Variants in COL17A1 observed in about 807,000 individuals in gnomAD.
COL17A1 encodes the protein collagen alpha-1(XVII) chain.
COL17A1 carries 181 observed loss-of-function variants against 218.4 expected under a neutral mutation model. That is an observed-to-expected ratio of 0.83 (90% CI 0.73 to 0.94). The LOEUF (loss-of-function observed/expected upper bound fraction) is 0.94. Ranked by LOEUF, COL17A1 falls within the 40% of genes least tolerant of loss-of-function variation. The pLI is 0.00. For missense variants in COL17A1, 1,924 were observed against 1,945.9 expected (o/e 0.99, Z 0.21); for synonymous variants, 721 against 731.0 (o/e 0.99, Z 0.22).
At chr10:104,079,517 A>G (rs1271324383) in intron 2 of COL17A1, among the ~76,000 whole-genome samples, 2 of 152,196 alleles carry the variant, frequency 1.3e-5, no homozygotes, top group Non-Finnish European at 2.9e-5. Context: ...CACCTGCTCC[A>G]TCCCACATGA....
chr10:104,054,973 A>G lies in COL17A1; in HGVS notation c.1744+8T>C. 1.9e-6 allele frequency: 3 copies of G among 1,614,204 alleles called. No homozygotes were observed. Among genetic ancestry groups the G allele is most frequent in the East Asian group, 2.2e-5 (1 of 44,890 alleles). On this transcript the variant is annotated splice_region_variant and intron_variant, in intron 20 of 55. Transcript: ENST00000648076. The stretch of plus-strand genomic sequence containing the variant: ...TATTTAAGGTAAAAATGCCCATGTT[A>G]TAATTACCTTTAGGGCCTGGACTTC...
At position 104,055,877 on chromosome 10, in the gene COL17A1, G is replaced by A. The variant is rs113615524; in HGVS notation, c.1592C>T (p.Ala531Val). ...KDRLQGMAPA[A>V]GADLDKIGLH... is the part of the protein sequence containing the mutation. ...CCCAATTTTGTCCAGGTCTGCTCCC[G>A]CCGCGGGTGCCATGCCCTGGAGGCG... The change falls in exon 18 of 56, where the codon GCG becomes GTG. Residue 531 changes from alanine (A) to valine (V), a missense_variant. By Grantham distance (64) the Ala-to-Val change is moderately conservative. Coordinates refer to ENST00000648076, the MANE Select transcript of COL17A1 (RefSeq NM_000494.4). The A allele has an allele frequency of 3.6e-4, 585 of 1,614,122 alleles. 6 individuals are homozygous for A. In the South Asian group the frequency reaches 5.8e-3, roughly 16 times the overall value.
intron 29 of COL17A1, 109 bp downstream of exon 29, chr10:104,049,300 T>TGGGCAGATTAGAGAGTAGGAG (rs2086444065): frequency 4.1e-6 from 4 of 967,242 alleles, no homozygotes; most frequent in Non-Finnish European, 6.7e-6. Context: ...CTACCAGGAG[T>TGGGCAGATTAGAGAGTAGGAG]GGGCAGATTA....
chr10:104,048,169 C>T (rs761029315), intron 29 of COL17A1, 65 bp from the exon 30 acceptor site: 2 of 1,569,176 alleles, frequency 1.3e-6, no homozygotes, highest in Non-Finnish European at 1.8e-6. Flanking sequence ...CCTCCCTCTA[C>T]TGTCCCAGTG....
chr10:104,077,399 C>G (rs2086719840), intron 4 of COL17A1, 23 bp downstream of exon 4: 2 of 1,586,718 alleles, frequency 1.3e-6, no homozygotes, highest in Admixed American at 1.7e-5. Context: ...CTTCCCTGAC[C>G]TCTTGCACTA....
rs2086612274 is a variant in COL17A1, at chr10:104,064,666, C to A, written c.608-70G>T. The A allele has an allele frequency of 6.3e-6, 9 of 1,426,536 alleles. No individual in the cohort carries two copies. The South Asian group carries it at 1.1e-4, about 17-fold the overall frequency. The allele number at this position is 1,426,536 out of a possible 1,614,324, so 88.4% of individuals were successfully genotyped here. ...CACTCCCTGCTGGGGAATCTAGTCA[C>A]CTCATTTTGCTGGGATTTCCTGGTT... On this transcript the variant is annotated intron_variant, in intron 9 of 55. Coordinates refer to ENST00000648076, the MANE Select transcript of COL17A1 (RefSeq NM_000494.4).
At chr10:104,075,141 T>A (rs1002564153) in intron 5 of COL17A1, among the ~76,000 whole-genome samples, 2 of 152,134 alleles carry the variant, frequency 1.3e-5, no homozygotes, top group South Asian at 4.2e-4. Context: ...TCCTTCAACT[T>A]TTATACTCTC....
intron 29 of COL17A1, 42 bp from the exon 30 acceptor site, chr10:104,048,146 G>T: frequency 6.2e-7 from 1 of 1,605,698 alleles, no homozygotes; most frequent in East Asian, 2.2e-5. Flanking sequence ...CTCCTGGAGT[G>T]ATTTCTGCGA....
In COL17A1 at chr10:104,060,042, C is replaced by A. The variant is rs1325521408; in HGVS notation, c.1141+77G>T. The stretch of plus-strand genomic sequence containing the variant: ...GTTTCATGACTCATAGGGTCCCAAA[C>A]CACCTTGCTAGGACATTTGGTCTCC... On this transcript the variant is annotated intron_variant, in intron 14 of 55. Transcript: ENST00000648076. 4 of 1,605,062 alleles carry A rather than the reference C, an allele frequency of 2.5e-6. No homozygotes were observed. The Admixed American group carries it at 6.7e-5, about 27-fold the overall frequency.
rs775946356 is a variant in COL17A1, at chr10:104,076,422, G to C, written c.210C>G (p.Ser70Arg). 1.9e-6 allele frequency: 3 copies of C among 1,614,086 alleles called. No homozygotes were observed. Among genetic ancestry groups the C allele is most frequent in the Admixed American group, 3.3e-5 (2 of 60,026 alleles). ...GSSGYINSTGSTRGHASTSSY... is the reference protein window; with the variant it reads ...GSSGYINSTGRTRGHASTSSY... ...TAGAGGTGGAGGCATGGCCTCGTGT[G>C]CTTCCAGCTGCAAGAGGGAAAAAGC... The change falls in exon 5 of 56, where the codon AGC becomes AGG. Residue 70 changes from serine (S) to arginine (R), a missense_variant. Transcript: ENST00000648076.
In COL17A1 at chr10:104,032,770, G is replaced by A. The variant is rs199944538; in HGVS notation, c.4358-16C>T. 9.9e-6 allele frequency: 16 copies of A among 1,613,830 alleles called. No individual in the cohort carries two copies. Among genetic ancestry groups the A allele is most frequent in the Non-Finnish European group, 1.1e-5 (13 of 1,179,840 alleles). ...CCCCTGTCACCTGGAAGGAAAAATG[G>A]GGCGTAACTAAGTAATACATGAGTC... On this transcript the variant is annotated splice_polypyrimidine_tract_variant and intron_variant, in intron 54 of 55. Transcript: ENST00000648076.
intron 9 of COL17A1, among the ~76,000 whole-genome samples, chr10:104,068,539 T>A (rs1277317672): frequency 1.3e-5 from 2 of 152,222 alleles, no homozygotes; most frequent in Non-Finnish European, 1.5e-5. Flanking sequence ...GCCCTCAAGC[T>A]TCTAGAAGGC....
intron 24 of COL17A1, 41 bp downstream of exon 24, chr10:104,052,114 C>A: frequency 6.2e-7 from 1 of 1,613,822 alleles, no homozygotes. Flanking sequence ...TGTGGCTTCT[C>A]CTCTGGAAAA....
At chr10:104,038,251 C>T (rs530350312) in intron 45 of COL17A1, among the ~76,000 whole-genome samples, 155 bp downstream of exon 45, 5 of 17,876 alleles carry the variant, frequency 2.8e-4, no homozygotes, top group East Asian at 9.9e-3. Flanking sequence ...CACACACACA[C>T]ACACACACAC....
rs537351306 is a variant in COL17A1 at position 104,044,718 on chromosome 10, G to T, written c.2399-858C>A. Among the ~76,000 whole-genome samples, 4 of 152,092 alleles carry T rather than the reference G, an allele frequency of 2.6e-5. No individual in the cohort carries two copies. In the East Asian group the frequency reaches 7.7e-4, roughly 29 times the overall value. On this transcript the variant is annotated intron_variant, in intron 33 of 55. Coordinates refer to ENST00000648076, the MANE Select transcript of COL17A1 (RefSeq NM_000494.4). ...CGTTCGGTAAAATGGCCCCTCTTGT[G>T]CATGTTGTCCAGGCAGGGTCTGAAC... is the stretch of plus-strand genomic sequence containing the variant.
In COL17A1 at chr10:104,034,235, C is replaced by T. The variant is rs541222706; in HGVS notation, c.3866G>A (p.Ser1289Asn). ...GTGTGAGGAGGAGCTGCTACCCCGA[C>T]TGTGGGAGGCATCCGTGGACAGGAG... ...SRLLSTDASHSRGSSSSSHSS... is the reference protein window; with the variant it reads ...SRLLSTDASHNRGSSSSSHSS... Residue 1289 changes from serine (S) to asparagine (N), a missense_variant, in exon 52 of 56, where the codon AGT becomes AAT. By Grantham distance (46) the Ser-to-Asn change is conservative (BLOSUM62 1). Transcript: ENST00000648076. 5.6e-6 allele frequency: 9 copies of T among 1,611,528 alleles called. No homozygotes were observed. The South Asian group carries it at 8.8e-5, about 16-fold the overall frequency.
At position 104,062,336 on chromosome 10, in the gene COL17A1, A is replaced by G; in HGVS notation, c.839-7T>C. 1 of 1,614,180 alleles carries G rather than the reference A, an allele frequency of 6.2e-7. No individual in the cohort carries two copies. The highest frequency in any genetic ancestry group is 8.5e-7 in the Non-Finnish European group (1 of 1,180,020). The stretch of plus-strand genomic sequence containing the variant: ...TTGTTCTGCATGCCAAACACTGTGA[A>G]AGCAACCAAGGTCAGGTGAGTACAG... On this transcript the variant is annotated splice_region_variant and splice_polypyrimidine_tract_variant and intron_variant, in intron 11 of 55. Transcript: ENST00000648076.
At chr10:104,058,430 C>T (rs1393890160) in intron 15 of COL17A1, among the ~76,000 whole-genome samples, 2 of 152,158 alleles carry the variant, frequency 1.3e-5, no homozygotes, top group East Asian at 1.9e-4. Context: ...TCTCTTATGA[C>T]CTTAAACCTT....
intron 11 of COL17A1, 110 bp from the exon 12 acceptor site, chr10:104,062,439 C>T (rs943300991): frequency 1.2e-5 from 17 of 1,460,704 alleles, no homozygotes; most frequent in Non-Finnish European, 1.4e-5. Flanking sequence ...GTTTTGCCAA[C>T]AGATTCCCAA....
Sources: allele counts gnomAD v4.1 joint callset (sites outside exome capture counted in the v4.1 genomes callset), GRCh38; gene constraint gnomAD v4.1.1; transcripts MANE v1.5; gene names NCBI Gene and HGNC (gene_info 2026-07-23, HGNC 2026-07-21).